The following ARR3 variants were observed in gnomAD, a reference collection of about 807,000 sequenced individuals.
The protein encoded by ARR3 is arrestin-C.
ARR3 carries 14 observed loss-of-function variants against 35.4 expected under a neutral mutation model. That is an observed-to-expected ratio of 0.40 (90% confidence interval 0.26 to 0.62). ARR3 has a LOEUF of 0.62. Ranked by LOEUF, ARR3 falls within the 20% of genes least tolerant of loss-of-function variation. The pLI, the probability that ARR3 is intolerant of heterozygous loss-of-function variation, is 0.46. For missense variants in ARR3, 259 were observed against 303.8 expected (o/e 0.85, Z 1.10); for synonymous variants, 97 against 119.1 (o/e 0.81, Z 1.21).
chrX:70,272,359 G>C (rs916846706), intron 5 of ARR3, among the ~76,000 whole-genome samples: 1 of 111,859 alleles, frequency 8.9e-6, no homozygotes, highest in African/African-American at 3.2e-5. Flanking sequence ...GAGAGACTGT[G>C]TAACCTTACC....
intron 1 of ARR3, among the ~76,000 whole-genome samples, chrX:70,268,868 C>T (rs1005280829): frequency 4.6e-5 from 5 of 109,051 alleles, no homozygotes; most frequent in African/African-American, 1.8e-4. Context: ...AGACAGAATC[C>T]ATTGATTTGT....
intron 5 of ARR3, among the ~76,000 whole-genome samples, chrX:70,273,214 C>CTTTTTTTTTTTTTTTTTTTTTTTTT (rs59650423): frequency 2.4e-5 from 1 of 41,626 alleles, no homozygotes; most frequent in African/African-American, 1.0e-4. Context: ...GAAAGGATTC[C>CTTTTTTTTTTTTTTTTTTTTTTTTT]TTTTTTTTTT....
At chrX:70,273,397 T>C (rs528174401) in intron 5 of ARR3, among the ~76,000 whole-genome samples, 1 of 109,897 alleles carries the variant, frequency 9.1e-6, no homozygotes, top group South Asian at 4.0e-4. Flanking sequence ...AATTTTTGTG[T>C]TTTTAGTAAA....
rs148157294 is a variant in ARR3 at position 70,277,414 on chromosome X, T to C, written c.494T>C (p.Val165Ala). ...CTCAGAGACTATGTGCGGCTGGTTGTCCGGAAAGTACAATTTGCACCACCG... is the reference window on the plus strand; with the variant it reads ...CTCAGAGACTATGTGCGGCTGGTTGCCCGGAAAGTACAATTTGCACCACCG... ...VSKRDYVRLV[V>A]RKVQFAPPEA... The change falls in exon 9 of 17, where the codon GTC (valine) becomes GCC (alanine). Residue 165 changes from valine (V) to alanine (A), a missense_variant. Val to Ala is a moderately conservative substitution (Grantham distance 64). Coordinates refer to ENST00000307959, the MANE Select transcript of ARR3 (RefSeq NM_004312.3). The C allele has an allele frequency of 5.5e-5, 66 of 1,209,786 alleles. No individual in the cohort carries two copies. The highest frequency in any genetic ancestry group is 7.0e-5 in the Non-Finnish European group (63 of 895,151).
In ARR3 at chrX:70,277,741, C is replaced by T; in HGVS notation, c.635C>T (p.Ser212Phe). 8.3e-7 allele frequency: 1 copy of T among 1,210,938 alleles called. No homozygotes were observed. Among genetic ancestry groups the T allele is most frequent in the Non-Finnish European group, 1.1e-6 (1 of 894,966 alleles). Residue 212 changes from serine (S) to phenylalanine (F), a missense_variant, in exon 10 of 17, where the codon TCT (serine) becomes TTT (phenylalanine). Coordinates refer to ENST00000307959, the MANE Select transcript of ARR3 (RefSeq NM_004312.3). ...REVHYHGEPISVNVSINNCTN... is the reference protein window; with the variant it reads ...REVHYHGEPIFVNVSINNCTN... ...GTTCACTACCACGGAGAACCCATCT[C>T]TGTCAATGTTTCTATCAACAACTGC...
At chrX:70,269,750 T>C in intron 3 of ARR3, 58 bp downstream of exon 3, 1 of 1,190,808 alleles carries the variant, frequency 8.4e-7, no homozygotes, top group Non-Finnish European at 1.1e-6. Flanking sequence ...GGTGGGTACA[T>C]CCTTCAAGGT....
intron 10 of ARR3, 21 bp downstream of exon 10, chrX:70,277,821 C>G (rs777201568): frequency 8.5e-7 from 1 of 1,172,654 alleles, no homozygotes; most frequent in Non-Finnish European, 1.2e-6. Flanking sequence ...TTTCCCATCC[C>G]TGTGCACCTG....
intron 15 of ARR3, 90 bp from the exon 16 acceptor site, chrX:70,281,009 G>A (rs1380825002): frequency 1.1e-6 from 1 of 948,516 alleles, no homozygotes; most frequent in Non-Finnish European, 1.4e-6. Context: ...AGTTGGGGGG[G>A]GGGGAAGTAA....
Position 70,276,166 on chromosome X carries a change from T to G in ARR3, c.230T>G (p.Val77Gly), listed in dbSNP as rs1450582352. 2.5e-6 allele frequency: 3 copies of G among 1,211,610 alleles called. No individual in the cohort carries two copies. Among genetic ancestry groups the G allele is most frequent in the Non-Finnish European group, 2.2e-6 (2 of 895,417 alleles). ...CTGACGTTCCGAAAAGATCTGTATGTGCAGACCCTGCAAGTGGTCCCAGCT... is the reference window on the plus strand; with the variant it reads ...CTGACGTTCCGAAAAGATCTGTATGGGCAGACCCTGCAAGTGGTCCCAGCT... Reference protein sequence around the residue: ...IGLTFRKDLYVQTLQVVPAES... With the variant: ...IGLTFRKDLYGQTLQVVPAES... The change falls in exon 6 of 17, where the codon GTG becomes GGG. Residue 77 changes from valine (V) to glycine (G), a missense_variant. Transcript: ENST00000307959.
At position 70,281,805 on chromosome X, in the gene ARR3, C is replaced by T. The variant is rs772387190; in HGVS notation, c.*39C>T. On this transcript the variant is annotated 3_prime_UTR_variant, in exon 17 of 17. Coordinates refer to ENST00000307959, the MANE Select transcript of ARR3 (RefSeq NM_004312.3). Reference sequence around the variant, plus strand: ...GTGCCCGTCTGTGTGGGAGCCCCCACTGTAACACTCTAATAAATCAGTTTG... The same window carrying T: ...GTGCCCGTCTGTGTGGGAGCCCCCATTGTAACACTCTAATAAATCAGTTTG... 2 of 1,019,188 alleles carry T rather than the reference C, an allele frequency of 2.0e-6. No homozygotes were observed. The highest frequency in any genetic ancestry group is 3.8e-5 in the African/African-American group (2 of 52,515). 84.0% of individuals were successfully genotyped at this position (1,019,188 alleles called of 1,213,427 possible).
In ARR3 at chrX:70,275,984, G is replaced by C. The variant is rs957883517; in HGVS notation, c.146-98G>C. 8.1e-6 allele frequency: 8 copies of C among 985,761 alleles called. No individual in the cohort carries two copies. The African/African-American group carries it at 1.1e-4, about 14-fold the overall frequency. 81.2% of individuals were successfully genotyped at this position (985,761 alleles called of 1,213,427 possible). A position where few individuals can be genotyped will look rare whatever the true frequency, so the allele number is the denominator to read the frequency against. On this transcript the variant is annotated intron_variant, in intron 5 of 16. Coordinates refer to ENST00000307959, the MANE Select transcript of ARR3 (RefSeq NM_004312.3). ...GAGCCACCGCGCCCAGCCAGCCTTCGATCATATTACATCACCTCTCTGTGT... is the reference window on the plus strand; with the variant it reads ...GAGCCACCGCGCCCAGCCAGCCTTCCATCATATTACATCACCTCTCTGTGT...
At chrX:70,275,659 CTTTTTTTTTTTTTT>C (rs35378424) in intron 5 of ARR3, among the ~76,000 whole-genome samples, 2 of 42,034 alleles carry the variant, frequency 4.8e-5, no homozygotes, top group Admixed American at 3.8e-4. Context: ...AGCCTTCAAT[CTTTTTTTTTTTTTT>C]TTTTTTTTTT....
intron 1 of ARR3, among the ~76,000 whole-genome samples, chrX:70,268,980 C>T (rs1407221680): frequency 1.8e-5 from 2 of 112,211 alleles, no homozygotes. Context: ...GACCAAGAAA[C>T]ACATTTTTCT....
chrX:70,271,507 T>C (rs1473466488), intron 5 of ARR3, among the ~76,000 whole-genome samples: 1 of 112,235 alleles, frequency 8.9e-6, no homozygotes, highest in Non-Finnish European at 1.9e-5. Context: ...TAGGGCAGTA[T>C]ATGTGGTGGT....
chrX:70,280,739 T>C (rs1406484947), intron 14 of ARR3, 27 bp from the exon 15 acceptor site: 1 of 1,207,894 alleles, frequency 8.3e-7, no homozygotes, highest in African/African-American at 1.8e-5. Flanking sequence ...AGAGAGGAGA[T>C]GTAACTCCAC....
intron 13 of ARR3, 125 bp from the exon 14 acceptor site, chrX:70,280,434 T>C (rs1236796248): frequency 2.0e-5 from 20 of 981,955 alleles, no homozygotes; most frequent in Non-Finnish European, 2.7e-5. Context: ...AGCAAGTCAC[T>C]TTCCCTTCCA....
chrX:70,274,925 T>C (rs759587618), intron 5 of ARR3, among the ~76,000 whole-genome samples: 17 of 112,707 alleles, frequency 1.5e-4, no homozygotes, highest in Admixed American at 2.8e-4. Context: ...ATACAAACCA[T>C]AGGGCATTCT....
intron 3 of ARR3, 30 bp from the exon 4 acceptor site, chrX:70,269,813 A>C: frequency 4.2e-6 from 5 of 1,202,343 alleles, no homozygotes; most frequent in Non-Finnish European, 5.6e-6. Flanking sequence ...AATGATTGTG[A>C]GAATAACATG....
chrX:70,276,550 G>A, intron 7 of ARR3, 58 bp downstream of exon 7: 1 of 1,176,722 alleles, frequency 8.5e-7, no homozygotes, highest in Middle Eastern at 2.3e-4. Context: ...GGAACAGTGG[G>A]ACAGTCAAGA....
Sources: gnomAD v4.1 joint callset for allele counts (sites outside exome capture counted in the v4.1 genomes callset) on GRCh38, gnomAD v4.1.1 for gene constraint, MANE v1.5 for transcripts, NCBI Gene and HGNC (gene_info 2026-07-23, HGNC 2026-07-21) for gene names.